The following ZBTB7C variants were observed in gnomAD, a reference collection of about 807,000 sequenced individuals.
The protein encoded by ZBTB7C is zinc finger and BTB domain containing 7C.
In ZBTB7C, 8 loss-of-function variants were observed where a neutral mutation model predicts 25.7. The observed-to-expected ratio is 0.31, with a 90% confidence interval of 0.18 to 0.56. ZBTB7C has a LOEUF of 0.56. ZBTB7C is among the 20% of genes least tolerant of loss of function. The pLI, the probability that ZBTB7C is intolerant of heterozygous loss-of-function variation, is 0.91. For synonymous variants in ZBTB7C, 394 were observed against 369.0 expected, an observed-to-expected ratio of 1.07 and a Z score of -0.78; for missense variants, 824 against 855.2, an observed-to-expected ratio of 0.96 and a Z score of 0.46.
At chr18:48,135,895 T>A (rs535783794) in intron 3 of ZBTB7C, among the ~76,000 whole-genome samples, 1 of 152,368 alleles carries the variant, frequency 6.6e-6, no homozygotes, top group South Asian at 2.1e-4. Flanking sequence ...GGAGTGGGGC[T>A]TCCTTCTGCG....
At chr18:48,135,136 T>C (rs2040107900) in intron 3 of ZBTB7C, among the ~76,000 whole-genome samples, 1 of 152,182 alleles carries the variant, frequency 6.6e-6, no homozygotes, top group African/African-American at 2.4e-5. Flanking sequence ...CTATTACTAT[T>C]ACTATTACTA....
chr18:48,410,918 A>G (rs1296789508), upstream of ZBTB7C, among the ~76,000 whole-genome samples: 1 of 152,240 alleles, frequency 6.6e-6, no homozygotes, highest in Non-Finnish European at 1.5e-5. Context: ...CTGGCTACGG[A>G]TTAATAAAAG....
At position 48,230,463 on chromosome 18, in the gene ZBTB7C, C is replaced by T. The variant is rs74593486; in HGVS notation, c.-78-44468G>A. 7.4e-3 allele frequency among the ~76,000 whole-genome samples: 1,124 copies of T among 152,316 alleles called. 5 individuals are homozygous for T. Among genetic ancestry groups the T allele is most frequent in the African/African-American group, 0.026 (1,067 of 41,568 alleles). ...AGTTTCCCCTAAAAAAATAAAGCCA[C>T]TGAACTAAAATGATGCCTATGGGAT... On this transcript the variant is annotated intron_variant, in intron 2 of 4. Transcript: ENST00000590800.
At chr18:48,122,191 G>A (rs2039653197) in intron 3 of ZBTB7C, among the ~76,000 whole-genome samples, 1 of 152,174 alleles carries the variant, frequency 6.6e-6, no homozygotes, top group Non-Finnish European at 1.5e-5. Context: ...CCCAGTGTAG[G>A]CACAGAGGTG....
At chr18:48,077,590 A>C (rs1174493410) in intron 3 of ZBTB7C, among the ~76,000 whole-genome samples, 1 of 152,228 alleles carries the variant, frequency 6.6e-6, no homozygotes, top group Non-Finnish European at 1.5e-5. Context: ...GAAGTGACAA[A>C]GTACAGTCAG....
intron 2 of ZBTB7C, among the ~76,000 whole-genome samples, chr18:48,217,386 T>C (rs2042849811): frequency 6.6e-6 from 1 of 152,150 alleles, no homozygotes; most frequent in Non-Finnish European, 1.5e-5. Flanking sequence ...CTCCCAGGCT[T>C]AAAACCCGCG....
chr18:48,302,245 G>A (rs940733579), intron 2 of ZBTB7C, among the ~76,000 whole-genome samples: 9 of 152,122 alleles, frequency 5.9e-5, no homozygotes, highest in Admixed American at 1.3e-4. Context: ...GAGAGTGGAC[G>A]CCCCTGGAGT....
intron 3 of ZBTB7C, among the ~76,000 whole-genome samples, chr18:48,151,292 C>T (rs1392053525): frequency 6.6e-6 from 1 of 152,182 alleles, no homozygotes; most frequent in African/African-American, 2.4e-5. Flanking sequence ...CTCTGGGACA[C>T]CGGGACCTTT....
At chr18:48,375,281 G>A (rs2047493346) in intron 1 of ZBTB7C, among the ~76,000 whole-genome samples, 1 of 152,210 alleles carries the variant, frequency 6.6e-6, no homozygotes, top group Non-Finnish European at 1.5e-5. Flanking sequence ...GCCACATTCG[G>A]CAAGGCTCTG....
chr18:48,078,736 A>G (rs548036757), intron 3 of ZBTB7C, among the ~76,000 whole-genome samples: 1 of 152,278 alleles, frequency 6.6e-6, no homozygotes, highest in Admixed American at 6.5e-5. Context: ...GCTTGGCAGG[A>G]GCTTAGTTCA....
intron 2 of ZBTB7C, among the ~76,000 whole-genome samples, chr18:48,216,830 A>C (rs1206470763): frequency 6.6e-6 from 1 of 152,094 alleles, no homozygotes; most frequent in Admixed American, 6.5e-5. Flanking sequence ...GTCCACCCCG[A>C]ATTCATGTGG....
chr18:48,126,264 C>A (rs2039795914), intron 3 of ZBTB7C, among the ~76,000 whole-genome samples: 1 of 152,130 alleles, frequency 6.6e-6, no homozygotes, highest in East Asian at 1.9e-4. Context: ...TAAGAGCAGA[C>A]CAGGATTTTG....
intron 1 of ZBTB7C, among the ~76,000 whole-genome samples, chr18:48,348,208 C>T (rs1245744794): frequency 6.6e-6 from 1 of 152,168 alleles, no homozygotes; most frequent in African/African-American, 2.4e-5. Context: ...GGAGTTGATG[C>T]CGTCATAGGA....
At chr18:48,365,786 AAAAC>A (rs2047209145) in intron 1 of ZBTB7C, among the ~76,000 whole-genome samples, 1 of 152,234 alleles carries the variant, frequency 6.6e-6, no homozygotes. Flanking sequence ...ATGGATAACA[AAAAC>A]AAACATTTAG....
intron 2 of ZBTB7C, among the ~76,000 whole-genome samples, chr18:48,187,820 C>CA (rs919402026): frequency 0.085 from 6,232 of 73,242 alleles, 433 homozygotes; most frequent in African/African-American, 0.094. Context: ...GACCCCGTCT[C>CA]AAAAAAAAAA....
rs1230009178 is a variant in ZBTB7C, at chr18:48,038,156, TC to T, written c.1208+1743del. Among the ~76,000 whole-genome samples the T allele has an allele frequency of 2.0e-5, 3 of 152,132 alleles. No homozygotes were observed. The East Asian group carries it at 5.8e-4, about 29-fold the overall frequency. ...GGAGGTGAATCTCAGGAACCTTGGGTCCATCTGCTCTGGGGAGTAACAGGAG... is the reference window on the plus strand; with the variant it reads ...GGAGGTGAATCTCAGGAACCTTGGGTCATCTGCTCTGGGGAGTAACAGGAG... On this transcript the variant is annotated intron_variant, in intron 4 of 4. Coordinates refer to ENST00000590800, the MANE Select transcript of ZBTB7C (RefSeq NM_001318841.2).
chr18:48,121,399 CTTTT>C lies in ZBTB7C; in HGVS notation c.-17+64531_-17+64534del, dbSNP rs11322551. ...AATCTTTTCAAGTTGGCTTAATACTCTTTTTTTTTTTTTTAAAAAAATGCACTTA... is the reference window on the plus strand; with the variant it reads ...AATCTTTTCAAGTTGGCTTAATACTCTTTTTTTTTTAAAAAAATGCACTTA... On this transcript the variant is annotated intron_variant, in intron 3 of 4. Transcript: ENST00000590800. 8.7e-5 allele frequency among the ~76,000 whole-genome samples: 13 copies of C among 148,900 alleles called. No individual in the cohort carries two copies. In the East Asian group the frequency reaches 1.2e-3, roughly 14 times the overall value.
At chr18:48,063,719 A>G (rs2037211356) in intron 3 of ZBTB7C, among the ~76,000 whole-genome samples, 1 of 152,142 alleles carries the variant, frequency 6.6e-6, no homozygotes. Flanking sequence ...ATGTCTTGAG[A>G]GGTGTATGGG....
intron 1 of ZBTB7C, among the ~76,000 whole-genome samples, chr18:48,391,996 T>A (rs993481934): frequency 1.3e-5 from 2 of 152,214 alleles, no homozygotes; most frequent in South Asian, 2.1e-4. Context: ...GCTCCTCTGT[T>A]TAGGGTCTGT....
Sources: allele counts gnomAD v4.1 joint callset (sites outside exome capture counted in the v4.1 genomes callset), GRCh38; gene constraint gnomAD v4.1.1; transcripts MANE v1.5; gene names NCBI Gene and HGNC (gene_info 2026-07-23, HGNC 2026-07-21).